G3BP1: variants seen among roughly 807,000 people sequenced by gnomAD.
The protein encoded by G3BP1 is G3BP stress granule assembly factor 1, also known as ras GTPase-activating protein-binding protein 1.
Under a neutral mutation model 58.6 loss-of-function variants are expected in G3BP1, and 35 were observed. The observed-to-expected ratio is 0.60, with a 90% CI of 0.46 to 0.79. The LOEUF (loss-of-function observed/expected upper bound fraction) is 0.79. G3BP1 is among the 30% of genes least tolerant of loss of function. The pLI is 0.00. For missense variants in G3BP1, 523 were observed against 580.8 expected (o/e 0.90, Z 1.02); for synonymous variants, 191 against 195.4 (o/e 0.98, Z 0.19).
At chr5:151,790,823 G>C (rs1762638548) in intron 3 of G3BP1, 66 bp from the exon 4 acceptor site, 1 of 929,060 alleles carries the variant, frequency 1.1e-6, no homozygotes, top group African/African-American at 1.7e-5. Flanking sequence ...GTTTTTTTTA[G>C]TTGGAGGTTA....
chr5:151,777,042 T>G (rs1419290419), intron 1 of G3BP1, among the ~76,000 whole-genome samples: 1 of 152,192 alleles, frequency 6.6e-6, no homozygotes, highest in East Asian at 1.9e-4. Context: ...AATCAACCAT[T>G]TCTCCAAGGA....
At chr5:151,782,886 C>G (rs542308864) in intron 1 of G3BP1, among the ~76,000 whole-genome samples, 1 of 112,502 alleles carries the variant, frequency 8.9e-6, no homozygotes, top group African/African-American at 3.4e-5. Context: ...GAGATGGACT[C>G]TCGCTCTGTC....
intron 1 of G3BP1, among the ~76,000 whole-genome samples, chr5:151,779,940 G>T (rs543479493): frequency 1.3e-4 from 20 of 152,038 alleles, no homozygotes; most frequent in Non-Finnish European, 2.2e-4. Flanking sequence ...TTTTGTCTTG[G>T]GTGAGTTTCT....
In G3BP1 at chr5:151,783,563, G is replaced by A. The variant is rs544471194; in HGVS notation, c.-49-3009G>A. Among the ~76,000 whole-genome samples the A allele has an allele frequency of 2.6e-5, 4 of 151,736 alleles. No individual in the cohort carries two copies. In the East Asian group the frequency reaches 7.8e-4, roughly 30 times the overall value. On this transcript the variant is annotated intron_variant, in intron 1 of 11. Coordinates refer to ENST00000356245, the MANE Select transcript of G3BP1 (RefSeq NM_005754.3). ...TGCCACCATGCCTGGCTAATTTTTT[G>A]TATTTTTAGGAGAGACAGGGTTTCA...
chr5:151,788,198 T>C (rs914789365), intron 2 of G3BP1, among the ~76,000 whole-genome samples: 1 of 151,622 alleles, frequency 6.6e-6, no homozygotes, highest in African/African-American at 2.4e-5. Context: ...ACAGGTGTAA[T>C]TGGGTTTTTT....
chr5:151,783,323 T>C lies in G3BP1; in HGVS notation c.-49-3249T>C, dbSNP rs185611097. 8.2e-4 allele frequency among the ~76,000 whole-genome samples: 125 copies of C among 152,302 alleles called. 1 individual carries two copies. Among genetic ancestry groups the C allele is most frequent in the East Asian group, 7.3e-3 (38 of 5,184 alleles). On this transcript the variant is annotated intron_variant, in intron 1 of 11. Coordinates refer to ENST00000356245, the MANE Select transcript of G3BP1 (RefSeq NM_005754.3). Reference sequence around the variant, plus strand: ...GAAGATTTCAGAGAGATGACAATTTTTTAGGATTTATTACACTATATAGAT... The same window carrying C: ...GAAGATTTCAGAGAGATGACAATTTCTTAGGATTTATTACACTATATAGAT...
chr5:151,777,659 A>G (rs1762395743), intron 1 of G3BP1, among the ~76,000 whole-genome samples: 1 of 152,178 alleles, frequency 6.6e-6, no homozygotes, highest in African/African-American at 2.4e-5. Flanking sequence ...TTGAGCCCAG[A>G]TGTTTGAGGC....
At chr5:151,803,289 A>AT (rs1036127630) in intron 11 of G3BP1, among the ~76,000 whole-genome samples, 14 of 151,962 alleles carry the variant, frequency 9.2e-5, no homozygotes, top group African/African-American at 2.9e-4. Flanking sequence ...GAAGGTGGCA[A>AT]TTTTTTTTAT....
At chr5:151,782,214 A>T (rs1762482092) in intron 1 of G3BP1, among the ~76,000 whole-genome samples, 1 of 152,196 alleles carries the variant, frequency 6.6e-6, no homozygotes, top group Non-Finnish European at 1.5e-5. Context: ...AGACAGAAGA[A>T]TTGAGGTGAG....
chr5:151,787,571 A>G (rs1762572783), intron 2 of G3BP1, among the ~76,000 whole-genome samples: 1 of 152,206 alleles, frequency 6.6e-6, no homozygotes, highest in Admixed American at 6.5e-5. Context: ...TAGTGGCTAC[A>G]CAGCTTTTTA....
At position 151,806,375 on chromosome 5, in the gene G3BP1, AGGT is replaced by A. The variant is rs1762938703; in HGVS notation, c.*2288_*2290del. ...TGTGTATGTTGGTGTAAATGTGGAGAGGTGGTAGCAATACATACTGATGCTGCT... is the reference window on the plus strand; with the variant it reads ...TGTGTATGTTGGTGTAAATGTGGAGAGGTAGCAATACATACTGATGCTGCT... On this transcript the variant is annotated 3_prime_UTR_variant, in exon 12 of 12. Coordinates refer to ENST00000356245, the MANE Select transcript of G3BP1 (RefSeq NM_005754.3). 1 of 152,160 alleles carries A rather than the reference AGGT, an allele frequency of 6.6e-6. No homozygotes were observed. The highest frequency in any genetic ancestry group is 1.5e-5 in the Non-Finnish European group (1 of 68,038). The allele number at this position is 152,160 out of a possible 1,614,324, so 9.4% of individuals were successfully genotyped here.
At chr5:151,777,039 C>A (rs1762384334) in intron 1 of G3BP1, among the ~76,000 whole-genome samples, 1 of 152,020 alleles carries the variant, frequency 6.6e-6, no homozygotes, top group Non-Finnish European at 1.5e-5. Flanking sequence ...CAGAATCAAC[C>A]ATTTCTCCAA....
intron 7 of G3BP1, among the ~76,000 whole-genome samples, chr5:151,798,032 G>T (rs941877247): frequency 3.9e-5 from 6 of 152,174 alleles, no homozygotes; most frequent in Admixed American, 1.3e-4. Flanking sequence ...TAGGCTCAGG[G>T]TTATGTCATT....
In G3BP1 at chr5:151,793,666, C is replaced by G. The variant is rs1762697709; in HGVS notation, c.352-493C>G. 2.0e-5 allele frequency among the ~76,000 whole-genome samples: 3 copies of G among 151,906 alleles called. 1 individual carries two copies. The highest frequency in any genetic ancestry group is 7.3e-5 in the African/African-American group (3 of 41,310). On this transcript the variant is annotated intron_variant, in intron 4 of 11. Transcript: ENST00000356245. ...GTAGGAATTTAGCAGCATCCCTAAC[C>G]TTATAAGTTGTCAGTAGCATTCCAT...
chr5:151,789,326 G>A (rs371955428), intron 2 of G3BP1, among the ~76,000 whole-genome samples: 4 of 151,782 alleles, frequency 2.6e-5, no homozygotes, highest in Non-Finnish European at 4.4e-5. Context: ...CTAAGATTGC[G>A]CCATGGCACT....
At chr5:151,801,999 T>C (rs1406426016) in intron 11 of G3BP1, among the ~76,000 whole-genome samples, 7 of 152,014 alleles carry the variant, frequency 4.6e-5, no homozygotes, top group African/African-American at 7.2e-5. Context: ...GTATTTTTAG[T>C]AGACATGGGG....
At chr5:151,791,141 A>G in intron 4 of G3BP1, 79 bp downstream of exon 4, 1 of 1,211,732 alleles carries the variant, frequency 8.3e-7, no homozygotes, top group South Asian at 1.2e-5. Context: ...TATCTTTAAA[A>G]ACACTTGAAA....
chr5:151,797,442 C>G lies in G3BP1; in HGVS notation c.741+14C>G. ...GAAGACTTGAGGGTATGAAACGTGT[C>G]TTCATTTTTATTCTATTCCTAGTTA... On this transcript the variant is annotated intron_variant, in intron 7 of 11. Transcript: ENST00000356245. The G allele has an allele frequency of 6.3e-7, 1 of 1,590,798 alleles. No homozygotes were observed. Among genetic ancestry groups the G allele is most frequent in the Non-Finnish European group, 8.6e-7 (1 of 1,166,590 alleles).
chr5:151,789,918 C>T (rs897947407), intron 2 of G3BP1, among the ~76,000 whole-genome samples: 1 of 152,040 alleles, frequency 6.6e-6, no homozygotes, highest in East Asian at 1.9e-4. Context: ...CTCACACCTA[C>T]AATTCCAGCA....
Sources: allele counts gnomAD v4.1 joint callset (sites outside exome capture counted in the v4.1 genomes callset), GRCh38; gene constraint gnomAD v4.1.1; transcripts MANE v1.5; gene names NCBI Gene and HGNC (gene_info 2026-07-23, HGNC 2026-07-21).